CMTM8: variants seen among roughly 807,000 people sequenced by gnomAD.
The protein encoded by CMTM8 is CKLF like MARVEL transmembrane domain containing 8.
In CMTM8, 12 loss-of-function variants were observed where a neutral mutation model predicts 18.6. The observed-to-expected ratio is 0.65, with a 90% CI of 0.41 to 1.05. The LOEUF (loss-of-function observed/expected upper bound fraction) is 1.05, where lower values mean the gene tolerates loss of function less well. Ranked by LOEUF, CMTM8 falls within the 50% of genes least tolerant of loss-of-function variation. CMTM8 has a pLI of 0.00. For missense variants in CMTM8, 217 were observed against 227.2 expected, an observed-to-expected ratio of 0.95 and a Z score of 0.29; for synonymous variants, 87 against 90.6, an observed-to-expected ratio of 0.96 and a Z score of 0.23.
At chr3:32,328,884 A>G (rs190353451) in intron 1 of CMTM8, among the ~76,000 whole-genome samples, 1 of 152,310 alleles carries the variant, frequency 6.6e-6, no homozygotes, top group African/African-American at 2.4e-5. Flanking sequence ...TGGCTTCACT[A>G]GAAAATTCTA....
At chr3:32,344,467 CAGTA>C (rs1696556895) in intron 1 of CMTM8, among the ~76,000 whole-genome samples, 1 of 152,208 alleles carries the variant, frequency 6.6e-6, no homozygotes, top group Admixed American at 6.5e-5. Flanking sequence ...CAATAATACT[CAGTA>C]GGTATTTGAA....
rs576383645 is a variant in CMTM8, at chr3:32,269,773, C to G, written c.147+30654C>G. ...TAAAATATCATACAGTACTAAAACC[C>G]ATATACAATTTATTTGTTTTAAGAG... is the stretch of plus-strand genomic sequence containing the variant. On this transcript the variant is annotated intron_variant, in intron 1 of 3. Coordinates refer to ENST00000307526, the MANE Select transcript of CMTM8 (RefSeq NM_178868.5). Among the ~76,000 whole-genome samples, 6 of 152,252 alleles carry G rather than the reference C, an allele frequency of 3.9e-5. No individual in the cohort carries two copies. The South Asian group carries it at 1.0e-3, about 26-fold the overall frequency.
intron 1 of CMTM8, among the ~76,000 whole-genome samples, chr3:32,255,636 ATCTT>A (rs1486282496): frequency 6.6e-6 from 1 of 152,162 alleles, no homozygotes; most frequent in Non-Finnish European, 1.5e-5. Flanking sequence ...CATCCATTTC[ATCTT>A]TCTTTTACCT....
In CMTM8 at chr3:32,239,068, C is replaced by T; in HGVS notation, c.96C>T (p.Tyr32=). 1 of 1,599,294 alleles carries T rather than the reference C, an allele frequency of 6.3e-7. No individual in the cohort carries two copies. The highest frequency in any genetic ancestry group is 1.1e-5 in the South Asian group (1 of 88,124). ...CCACCAGCAGCAGCAGCTTCGCCTACGACCGGGAGTTCCTCCGCACCCTGC... is the reference window on the plus strand; with the variant it reads ...CCACCAGCAGCAGCAGCTTCGCCTATGACCGGGAGTTCCTCCGCACCCTGC... ...NFSTSSSSFA[Y]DREFLRTLPG... is the part of the protein sequence containing the mutation. The change falls in exon 1 of 4, where the codon TAC becomes TAT. Residue 32 remains tyrosine (Y), a synonymous_variant. Transcript: ENST00000307526.
intron 1 of CMTM8, among the ~76,000 whole-genome samples, chr3:32,354,538 C>T (rs570281503): frequency 6.6e-6 from 1 of 152,228 alleles, no homozygotes; most frequent in African/African-American, 2.4e-5. Flanking sequence ...GCTTCACTCG[C>T]GTTAATAATG....
intron 1 of CMTM8, chr3:32,259,299 C>T (rs552975138): frequency 2.9e-6 from 2 of 688,398 alleles, no homozygotes; most frequent in African/African-American, 1.7e-5. Flanking sequence ...CCTGAAGGGA[C>T]CCCAGGTCAG....
At chr3:32,348,805 G>A (rs1696650965) in intron 1 of CMTM8, among the ~76,000 whole-genome samples, 1 of 151,744 alleles carries the variant, frequency 6.6e-6, no homozygotes, top group South Asian at 2.1e-4. Context: ...CTGGCCCCTG[G>A]AACCTACTAA....
At chr3:32,361,286 G>GTTTGTTTTTTTTTTTTTGTTTT (rs140270969) in intron 2 of CMTM8, among the ~76,000 whole-genome samples, 1 of 87,230 alleles carries the variant, frequency 1.1e-5, no homozygotes, top group African/African-American at 4.0e-5. Flanking sequence ...CAGCCTAAGA[G>GTTTGTTTTTTTTTTTTTGTTTT]TTTTTTTTTC....
intron 1 of CMTM8, among the ~76,000 whole-genome samples, chr3:32,335,386 T>C (rs1206356590): frequency 6.6e-6 from 1 of 152,084 alleles, no homozygotes; most frequent in East Asian, 1.9e-4. Context: ...CACTAGGTGG[T>C]GGGTGGTGGA....
intron 1 of CMTM8, among the ~76,000 whole-genome samples, chr3:32,311,674 C>A (rs1325278309): frequency 1.3e-5 from 2 of 152,222 alleles, no homozygotes; most frequent in African/African-American, 4.8e-5. Flanking sequence ...TCTGTGGCCA[C>A]ATGTGTAGTT....
chr3:32,246,378 G>A (rs548265201), intron 1 of CMTM8, among the ~76,000 whole-genome samples: 3 of 152,174 alleles, frequency 2.0e-5, no homozygotes, highest in East Asian at 1.9e-4. Context: ...GGTTGTCTGC[G>A]TCCCTCCACA....
At chr3:32,316,902 G>A (rs780805829) in intron 1 of CMTM8, among the ~76,000 whole-genome samples, 41 of 152,210 alleles carry the variant, frequency 2.7e-4, no homozygotes, top group Non-Finnish European at 5.1e-4. Flanking sequence ...CCTATGATAG[G>A]AGGTTGTTTT....
chr3:32,259,501 C>T lies in CMTM8; in HGVS notation c.147+20382C>T, dbSNP rs530850141. 3 of 779,132 alleles carry T rather than the reference C, an allele frequency of 3.9e-6. No individual in the cohort carries two copies. In the African/African-American group the frequency reaches 5.1e-5, roughly 13 times the overall value. The allele number at this position is 779,132 out of a possible 1,614,324, so 48.3% of individuals were successfully genotyped here. A position where few individuals can be genotyped will look rare whatever the true frequency, so the allele number is the denominator to read the frequency against. ...ATGACATTCATGGGCTCTTCAAGGT[C>T]ATTGATGACACCAATGTCACTCGGC... On this transcript the variant is annotated intron_variant, in intron 1 of 3. Coordinates refer to ENST00000307526, the MANE Select transcript of CMTM8 (RefSeq NM_178868.5).
intron 1 of CMTM8, among the ~76,000 whole-genome samples, chr3:32,299,583 T>A (rs1695571662): frequency 1.3e-5 from 2 of 152,226 alleles, no homozygotes; most frequent in African/African-American, 2.4e-5. Context: ...TCTTGGAAAA[T>A]GAGGTATCTA....
At chr3:32,328,443 C>T (rs1386155381) in intron 1 of CMTM8, among the ~76,000 whole-genome samples, 14 of 40,492 alleles carry the variant, frequency 3.5e-4, no homozygotes, top group African/African-American at 7.8e-4. Flanking sequence ...CACTTGAGCT[C>T]AGGAGGTCAA....
intron 1 of CMTM8, 43 bp downstream of exon 1, chr3:32,239,162 C>A: frequency 6.4e-7 from 1 of 1,552,652 alleles, no homozygotes; most frequent in Non-Finnish European, 8.7e-7. Flanking sequence ...CTCAGCTGGA[C>A]CCCGGCGCGT....
intron 1 of CMTM8, among the ~76,000 whole-genome samples, chr3:32,271,704 C>G (rs1429416780): frequency 1.3e-5 from 2 of 152,146 alleles, no homozygotes; most frequent in African/African-American, 4.8e-5. Context: ...TTGTGTTTCT[C>G]ATTCTCTTTC....
At chr3:32,368,121 T>C in intron 3 of CMTM8, 133 bp downstream of exon 3, 1 of 677,060 alleles carries the variant, frequency 1.5e-6, no homozygotes, top group Non-Finnish European at 2.6e-6. Context: ...GGCTTATTGA[T>C]TTGAAAATAT....
chr3:32,352,759 C>T (rs532258812), intron 1 of CMTM8, among the ~76,000 whole-genome samples: 2 of 152,158 alleles, frequency 1.3e-5, no homozygotes, highest in South Asian at 4.1e-4. Flanking sequence ...GATTTGGATG[C>T]TGGTTACACA....
Sources: allele counts gnomAD v4.1 joint callset (sites outside exome capture counted in the v4.1 genomes callset), GRCh38; gene constraint gnomAD v4.1.1; transcripts MANE v1.5; gene names NCBI Gene and HGNC (gene_info 2026-07-23, HGNC 2026-07-21).